KLKB1: variants seen among roughly 807,000 people sequenced by gnomAD.
KLKB1 encodes the protein kallikrein B1, also known as plasma kallikrein.
A neutral mutation model predicts 73.6 loss-of-function variants in KLKB1; 58 were observed. That is an observed-to-expected ratio of 0.79 (90% CI 0.64 to 0.98). The LOEUF is 0.98. Among genes scored for constraint, KLKB1 ranks in the 50% least tolerant of loss-of-function variants. KLKB1 has a pLI of 0.00. For missense variants in KLKB1, 737 were observed against 763.8 expected (o/e 0.96, Z 0.41); for synonymous variants, 280 against 258.1 (o/e 1.08, Z -0.81).
intron 4 of KLKB1, among the ~76,000 whole-genome samples, chr4:186,235,604 A>G (rs1273011002): frequency 6.6e-6 from 1 of 152,156 alleles, no homozygotes; most frequent in Non-Finnish European, 1.5e-5. Flanking sequence ...GTACTGTCAT[A>G]TAGTTTTCCT....
chr4:186,225,264 TG>T (rs138695518), upstream of KLKB1, among the ~76,000 whole-genome samples: 15,865 of 152,150 alleles, frequency 0.1, 911 homozygotes, highest in South Asian at 0.19. Flanking sequence ...TGCCAGGTTT[TG>T]TACTTTCAAT....
At chr4:186,228,929 G>A (rs1264208829) in intron 2 of KLKB1, 1 of 152,046 alleles carries the variant, frequency 6.6e-6, no homozygotes, top group Non-Finnish European at 1.5e-5. Context: ...GACTTAAGAG[G>A]GCCACACAAC....
At chr4:186,217,842 C>T (rs1368825030) in intron 2 of KLKB1, among the ~76,000 whole-genome samples, 1 of 152,138 alleles carries the variant, frequency 6.6e-6, no homozygotes, top group Non-Finnish European at 1.5e-5. Context: ...AAATAGAGCT[C>T]CCTGAGTTGG....
intron 11 of KLKB1, among the ~76,000 whole-genome samples, chr4:186,254,218 G>A (rs1401408270): frequency 1.3e-5 from 2 of 152,208 alleles, no homozygotes; most frequent in Admixed American, 6.5e-5. Flanking sequence ...CTTCTTGACA[G>A]TTCTGAATTT....
intron 6 of KLKB1, among the ~76,000 whole-genome samples, chr4:186,246,846 C>T (rs1738382082): frequency 6.6e-6 from 1 of 152,172 alleles, no homozygotes; most frequent in Non-Finnish European, 1.5e-5. Context: ...GCAGGTGTCC[C>T]TGCAGTGATT....
At chr4:186,236,320 C>CATCAGACA (rs1396534637) in intron 4 of KLKB1, among the ~76,000 whole-genome samples, 1 of 152,166 alleles carries the variant, frequency 6.6e-6, no homozygotes, top group Non-Finnish European at 1.5e-5. Context: ...TGCAATTTGT[C>CATCAGACA]ATCAGACAGG....
chr4:186,251,200 T>C lies in KLKB1; in HGVS notation c.759-19T>C. 6.9e-7 allele frequency: 1 copy of C among 1,445,954 alleles called. No individual in the cohort carries two copies. The highest frequency in any genetic ancestry group is 2.0e-5 in the Admixed American group (1 of 50,318). 89.6% of individuals were successfully genotyped at this position (1,445,954 alleles called of 1,614,324 possible). A position where few individuals can be genotyped will look rare whatever the true frequency, so the allele number is the denominator to read the frequency against. On this transcript the variant is annotated intron_variant, in intron 7 of 14. Transcript: ENST00000264690. ...GCAAATTTCTTTCTTTCTCTCTTGC[T>C]TTTTTTTAAAAAAAATAGAAATGTT... is the stretch of plus-strand genomic sequence containing the variant.
intron 3 of KLKB1, among the ~76,000 whole-genome samples, chr4:186,232,543 T>C (rs915288158): frequency 6.6e-5 from 10 of 152,210 alleles, no homozygotes; most frequent in Non-Finnish European, 1.5e-4. Context: ...TAGAAGCTAG[T>C]CATTTTCTAT....
rs777050064 is a variant in KLKB1, at chr4:186,251,218, G to A, written c.759-1G>A. The A allele has an allele frequency of 2.9e-5, 46 of 1,580,106 alleles. 1 individual carries two copies. In the South Asian group the frequency reaches 5.0e-4, roughly 17 times the overall value. ...CTCTTGCTTTTTTTTAAAAAAAATA[G>A]AAATGTTTGTCTTCTTAAAACATCT... On this transcript the variant is annotated splice_acceptor_variant, in intron 7 of 14. Coordinates refer to ENST00000264690, the MANE Select transcript of KLKB1 (RefSeq NM_000892.5). LOFTEE classifies it high-confidence loss of function.
In KLKB1 at chr4:186,257,379, T is replaced by G. The variant is rs369378754; in HGVS notation, c.1725+14T>G. ...GATGCTTGTAAGGTAACTCATGAGA[T>G]TATGAAAAACACAATAGGCTGCTTG... On this transcript the variant is annotated intron_variant, in intron 14 of 14. Transcript: ENST00000264690. 1.9e-6 allele frequency: 3 copies of G among 1,572,646 alleles called. No individual in the cohort carries two copies. In the African/African-American group the frequency reaches 4.1e-5, roughly 21 times the overall value.
intron 6 of KLKB1, among the ~76,000 whole-genome samples, chr4:186,238,647 C>G (rs1737836046): frequency 2.0e-5 from 3 of 152,172 alleles, no homozygotes; most frequent in Non-Finnish European, 4.4e-5. Context: ...TATTACACTG[C>G]TGGCTTTGAA....
At chr4:186,235,354 A>ACTTCATCACCTTAG (rs1202076866) in intron 4 of KLKB1, among the ~76,000 whole-genome samples, 1 of 50,418 alleles carries the variant, frequency 2.0e-5, no homozygotes, top group Non-Finnish European at 3.7e-5. Flanking sequence ...ATGTTTTTTA[A>ACTTCATCACCTTAG]AGTGAAAAAT....
intron 2 of KLKB1, among the ~76,000 whole-genome samples, chr4:186,230,187 T>G (rs1206445204): frequency 6.6e-6 from 1 of 152,208 alleles, no homozygotes; most frequent in East Asian, 1.9e-4. Flanking sequence ...CACTTTGTAC[T>G]AGGTTTTCCA....
chr4:186,238,370 T>C lies in KLKB1; in HGVS notation c.598+5T>C. 1 of 1,576,728 alleles carries C rather than the reference T, an allele frequency of 6.3e-7. No homozygotes were observed. The highest frequency in any genetic ancestry group is 8.7e-7 in the Non-Finnish European group (1 of 1,145,876). On this transcript the variant is annotated splice_donor_5th_base_variant and intron_variant, in intron 6 of 14. Coordinates refer to ENST00000264690, the MANE Select transcript of KLKB1 (RefSeq NM_000892.5). ...CCTGTGCCCTTTCAGAAATTGGTAA[T>C]TGTAGGACTACTTCACTTTGTGATT...
chr4:186,231,694 A>G (rs1039057519), intron 2 of KLKB1, among the ~76,000 whole-genome samples: 16 of 152,256 alleles, frequency 1.1e-4, no homozygotes, highest in Non-Finnish European at 1.6e-4. Context: ...CATAGTCCAG[A>G]TGCAGATAAC....
chr4:186,252,148 C>T lies in KLKB1; in HGVS notation c.1276C>T (p.His426Tyr). ...CCTGTGTGGAGGGTCACTCATAGGA[C>T]ACCAGTGGGTCCTCACTGCTGCCCA... ...RHLCGGSLIGHQWVLTAAHCF... is the reference protein window; with the variant it reads ...RHLCGGSLIGYQWVLTAAHCF... Residue 426 changes from histidine (H) to tyrosine (Y), a missense_variant, in exon 11 of 15, where the codon CAC (histidine) becomes TAC (tyrosine). Physicochemically the swap from His to Tyr is moderately conservative, Grantham distance 83. Transcript: ENST00000264690. 6.2e-7 allele frequency: 1 copy of T among 1,613,950 alleles called. No homozygotes were observed.
intron 2 of KLKB1, among the ~76,000 whole-genome samples, chr4:186,230,903 A>G (rs1299937722): frequency 6.6e-6 from 1 of 152,238 alleles, no homozygotes; most frequent in Non-Finnish European, 1.5e-5. Context: ...TGTTTTGTGC[A>G]TACATGAAAT....
At chr4:186,237,475 T>C (rs1435515452) in intron 5 of KLKB1, among the ~76,000 whole-genome samples, 1 of 152,144 alleles carries the variant, frequency 6.6e-6, no homozygotes, top group Non-Finnish European at 1.5e-5. Flanking sequence ...TTGTACCGCA[T>C]CTTCAAAGCC....
At chr4:186,248,420 C>T (rs993447888) in intron 6 of KLKB1, among the ~76,000 whole-genome samples, 1 of 152,118 alleles carries the variant, frequency 6.6e-6, no homozygotes, top group African/African-American at 2.4e-5. Context: ...TGGAATCATG[C>T]AATGCAGCAC....
Sources: gnomAD v4.1 joint callset for allele counts (sites outside exome capture counted in the v4.1 genomes callset) on GRCh38, gnomAD v4.1.1 for gene constraint, MANE v1.5 for transcripts, NCBI Gene and HGNC (gene_info 2026-07-23, HGNC 2026-07-21) for gene names.